Variants in SLCO1A2 observed in about 807,000 individuals in gnomAD.
The protein encoded by SLCO1A2 is solute carrier organic anion transporter family member 1A2.
In SLCO1A2, 67 loss-of-function variants were observed where a neutral mutation model predicts 69.0. The ratio of observed to expected loss-of-function variants is 0.97; its 90% CI spans 0.80 to 1.19. The LOEUF is 1.19. Ranked by LOEUF, SLCO1A2 falls within the 50% of genes most tolerant of loss-of-function variation. The probability of loss-of-function intolerance (pLI) is 0.00; values close to 1 mark genes in which losing one functional copy is unlikely to be tolerated. For missense variants in SLCO1A2, 787 were observed against 793.7 expected (o/e 0.99, Z 0.10); for synonymous variants, 260 against 265.9 (o/e 0.98, Z 0.22).
chr12:21,304,347 G>A (rs887461051), intron 6 of SLCO1A2, 80 bp downstream of exon 6: 1 of 1,176,076 alleles, frequency 8.5e-7, no homozygotes, highest in South Asian at 1.5e-5. Context: ...AAATCACTAA[G>A]ACTACAAAAA....
chr12:21,408,554 C>T (rs934046565), intron 1 of SLCO1A2, among the ~76,000 whole-genome samples: 1 of 152,072 alleles, frequency 6.6e-6, no homozygotes, highest in African/African-American at 2.4e-5. Flanking sequence ...ACCAGAAATC[C>T]GCAACTGCCC....
At chr12:21,301,664 A>C (rs1233050453) in intron 6 of SLCO1A2, among the ~76,000 whole-genome samples, 1 of 152,182 alleles carries the variant, frequency 6.6e-6, no homozygotes, top group African/African-American at 2.4e-5. Context: ...TGGATTTCTC[A>C]TGGCACATTC....
Position 21,322,693 on chromosome 12 carries a change from T to C in SLCO1A2, c.61-3770A>G, listed in dbSNP as rs7298982. ...GACTTAAAGTCTGTGTTGATGTTAG[T>C]TCTGGTTGGTTTTTTCCTGAATTCC... On this transcript the variant is annotated intron_variant, in intron 2 of 14. Coordinates refer to ENST00000683939, the MANE Select transcript of SLCO1A2 (RefSeq NM_001386879.1). Among the ~76,000 whole-genome samples the C allele has an allele frequency of 6.6e-3, 1,004 of 152,264 alleles. 14 individuals carry two copies. The highest frequency in any genetic ancestry group is 0.023 in the African/African-American group (964 of 41,546).
At chr12:21,387,208 T>C (rs1373449349) in intron 1 of SLCO1A2, among the ~76,000 whole-genome samples, 2 of 152,144 alleles carry the variant, frequency 1.3e-5, no homozygotes, top group African/African-American at 4.8e-5. Flanking sequence ...GACATTGCAG[T>C]AGAAAAGAAA....
intron 12 of SLCO1A2, among the ~76,000 whole-genome samples, chr12:21,281,091 A>G (rs1944707817): frequency 6.6e-6 from 1 of 152,214 alleles, no homozygotes; most frequent in African/African-American, 2.4e-5. Flanking sequence ...ATACAGTGAA[A>G]GCAGTACTAA....
chr12:21,339,055 G>A (rs1240962881), upstream of SLCO1A2, among the ~76,000 whole-genome samples: 1 of 151,944 alleles, frequency 6.6e-6, no homozygotes, highest in Non-Finnish European at 1.5e-5. Context: ...TTGCAAGATT[G>A]TCATGAAGAT....
At position 21,275,313 on chromosome 12, in the gene SLCO1A2, T is replaced by G. The variant is rs2199688; in HGVS notation, c.1675+47A>C. 24,885 of 1,431,636 alleles carry G rather than the reference T, an allele frequency of 0.017. 3,233 individuals are homozygous for G. The African/African-American group carries it at 0.3, about 17-fold the overall frequency. The allele number at this position is 1,431,636 out of a possible 1,614,324, so 88.7% of individuals were successfully genotyped here. On this transcript the variant is annotated intron_variant, in intron 13 of 14. Coordinates refer to ENST00000683939, the MANE Select transcript of SLCO1A2 (RefSeq NM_001386879.1). The stretch of plus-strand genomic sequence containing the variant: ...CTTAAAGTGTAATAAAAAATAATAA[T>G]AATAATATTGTTCTGATAGGATGTG...
intron 12 of SLCO1A2, among the ~76,000 whole-genome samples, chr12:21,289,692 A>G (rs1027421469): frequency 2.0e-5 from 3 of 152,006 alleles, no homozygotes; most frequent in Admixed American, 1.3e-4. Context: ...AGTTCTGTGA[A>G]CCATTCTAGA....
chr12:21,279,444 C>G (rs1944422669), intron 12 of SLCO1A2, among the ~76,000 whole-genome samples: 1 of 152,130 alleles, frequency 6.6e-6, no homozygotes, highest in Non-Finnish European at 1.5e-5. Context: ...ATAAACAATT[C>G]TAAAAGCAGC....
intron 4 of SLCO1A2, among the ~76,000 whole-genome samples, chr12:21,313,381 C>T (rs1950458950): frequency 6.6e-6 from 1 of 152,126 alleles, no homozygotes. Context: ...GCAGGGTATG[C>T]CAGGATTCAA....
At chr12:21,414,499 T>C (rs1257355483) in intron 1 of SLCO1A2, among the ~76,000 whole-genome samples, 1 of 152,158 alleles carries the variant, frequency 6.6e-6, no homozygotes, top group African/African-American at 2.4e-5. Flanking sequence ...ACCAACTTAA[T>C]CGCATTGTGT....
intron 1 of SLCO1A2, among the ~76,000 whole-genome samples, chr12:21,384,103 C>T (rs1305201023): frequency 6.6e-6 from 1 of 151,896 alleles, no homozygotes; most frequent in Admixed American, 6.6e-5. Context: ...AATGTCCAAT[C>T]AGTGATAACT....
At chr12:21,373,215 T>A in intron 2 of SLCO1A2, 1 of 700,960 alleles carries the variant, frequency 1.4e-6, no homozygotes, top group African/African-American at 1.8e-5. Context: ...AATAAAAATT[T>A]TGATCCTTGT....
At chr12:21,316,047 A>G (rs1477797658) in intron 3 of SLCO1A2, among the ~76,000 whole-genome samples, 1 of 152,180 alleles carries the variant, frequency 6.6e-6, no homozygotes, top group Non-Finnish European at 1.5e-5. Flanking sequence ...CATTCTCCTC[A>G]AGCTACCTAT....
chr12:21,317,082 GT>G (rs1216072439), intron 3 of SLCO1A2, among the ~76,000 whole-genome samples: 5 of 151,852 alleles, frequency 3.3e-5, no homozygotes, highest in East Asian at 3.9e-4. Flanking sequence ...CACCCATATA[GT>G]TTTTTTTATG....
At chr12:21,368,543 G>T (rs879733455) in intron 2 of SLCO1A2, among the ~76,000 whole-genome samples, 1 of 151,972 alleles carries the variant, frequency 6.6e-6, no homozygotes, top group African/African-American at 2.4e-5. Context: ...CCCATAAATT[G>T]TATGTTTAGA....
chr12:21,360,699 T>C (rs964180221), intron 2 of SLCO1A2, among the ~76,000 whole-genome samples: 4 of 152,178 alleles, frequency 2.6e-5, no homozygotes, highest in Non-Finnish European at 5.9e-5. Context: ...AATACTGCTC[T>C]TTTCCAACAG....
rs571704156 is a variant in SLCO1A2 at position 21,358,561 on chromosome 12, GT to G, written c.-63+15837del. ...TTATTTTATTGTATGCAAATATTGTGTATAGTTCTATCATCATATATAGATA... is the reference window on the plus strand; with the variant it reads ...TTATTTTATTGTATGCAAATATTGTGATAGTTCTATCATCATATATAGATA... On this transcript the variant is annotated intron_variant, in intron 2 of 15. Coordinates refer to the SLCO1A2 transcript ENST00000307378. Among the ~76,000 whole-genome samples the G allele has an allele frequency of 1.1e-4, 17 of 152,048 alleles. No homozygotes were observed. The South Asian group carries it at 3.5e-3, about 32-fold the overall frequency.
At chr12:21,287,553 C>T (rs1416827884) in intron 12 of SLCO1A2, among the ~76,000 whole-genome samples, 1 of 145,844 alleles carries the variant, frequency 6.9e-6, no homozygotes, top group Admixed American at 6.8e-5. Context: ...TATAAAGACA[C>T]ATGCACACGT....
Sources: gnomAD v4.1 joint callset for allele counts (sites outside exome capture counted in the v4.1 genomes callset) on GRCh38, gnomAD v4.1.1 for gene constraint, MANE v1.5 for transcripts, NCBI Gene and HGNC (gene_info 2026-07-23, HGNC 2026-07-21) for gene names.